The following C1S variants were observed in gnomAD, a reference collection of about 807,000 sequenced individuals.
The protein encoded by C1S is complement C1s.
C1S carries 31 observed loss-of-function variants against 54.0 expected under a neutral mutation model. The ratio of observed to expected loss-of-function variants is 0.57; its 90% CI spans 0.43 to 0.78. The LOEUF is 0.78. Ranked by LOEUF, C1S falls within the 30% of genes least tolerant of loss-of-function variation. The pLI is 0.00. For synonymous variants in C1S, 292 were observed against 303.6 expected, an observed-to-expected ratio of 0.96 and a Z score of 0.40; for missense variants, 727 against 851.8, an observed-to-expected ratio of 0.85 and a Z score of 1.82.
chr12:7,067,486 G>A (rs1937700556), intron 9 of C1S, 157 bp from the exon 10 acceptor site: 1 of 828,016 alleles, frequency 1.2e-6, no homozygotes, highest in Admixed American at 1.7e-5. Context: ...GATGCCAGTT[G>A]GGGAGGATGG....
intron 2 of C1S, 112 bp downstream of exon 2, chr12:7,062,029 G>A: frequency 2.8e-6 from 3 of 1,064,480 alleles, no homozygotes; most frequent in East Asian, 4.8e-5. Context: ...CAGCACTTTG[G>A]GAGGCTGAGG....
intron 2 of C1S, 200 bp from the exon 3 acceptor site, chr12:7,062,270 CAAAAA>C (rs373096669): frequency 1.0e-4 from 45 of 446,194 alleles, no homozygotes; most frequent in Admixed American, 1.5e-4. Context: ...GAACCTGTCT[CAAAAA>C]AAAAAAAAAA....
At position 7,062,586 on chromosome 12, in the gene C1S, T is replaced by G. The variant is rs782342816; in HGVS notation, c.117T>G (p.Ser39=). The G allele has an allele frequency of 6.2e-7, 1 of 1,614,110 alleles. No homozygotes were observed. Among genetic ancestry groups the G allele is most frequent in the Non-Finnish European group, 8.5e-7 (1 of 1,179,952 alleles). The part of the protein sequence containing the change: ...PQAYPSEVEK[S]WDIEVPEGYG... ...CATATCCCAGTGAGGTAGAGAAATCTTGGGACATAGAAGTTCCTGAAGGGT... is the reference window on the plus strand; with the variant it reads ...CATATCCCAGTGAGGTAGAGAAATCGTGGGACATAGAAGTTCCTGAAGGGT... Residue 39 remains serine, a synonymous_variant, in exon 3 of 12, where the codon TCT becomes TCG. Transcript: ENST00000360817.
chr12:7,069,128 TCA>T (rs1376297416), intron 11 of C1S, among the ~76,000 whole-genome samples: 1 of 152,302 alleles, frequency 6.6e-6, no homozygotes, highest in African/African-American at 2.4e-5. Context: ...GGGTGCAAGT[TCA>T]CAGAGTTAGC....
chr12:7,065,200 C>T lies in C1S; in HGVS notation c.618C>T (p.Ile206=). Residue 206 remains isoleucine (I), a synonymous_variant, in exon 6 of 12, where the codon ATC becomes ATT. Coordinates refer to ENST00000360817, the MANE Select transcript of C1S (RefSeq NM_001734.5). ...AGAACTCAAGGTGTGAATACCAGAT[C>T]CGGTTGGAGAAAGGGTTCCAAGTGG... is the stretch of plus-strand genomic sequence containing the variant. ...YPENSRCEYQ[I]RLEKGFQVVV... is the part of the protein sequence containing the mutation. 2 of 1,613,780 alleles carry T rather than the reference C, an allele frequency of 1.2e-6. No homozygotes were observed. The highest frequency in any genetic ancestry group is 2.2e-5 in the South Asian group (2 of 91,066).
Position 7,062,131 on chromosome 12 carries a change from C to A in C1S, c.5+214C>A, listed in dbSNP as rs782710987. The A allele has an allele frequency of 6.8e-4, 400 of 591,462 alleles. 1 individual carries two copies. Among genetic ancestry groups the A allele is most frequent in the South Asian group, 9.7e-4 (49 of 50,424 alleles). The allele number at this position is 591,462 out of a possible 1,614,324, so 36.6% of individuals were successfully genotyped here. ...TTAAAAAAAAAAAAAATTAGCCCAG[C>A]GTCATGCGTGTCACCTGTGGTCCCT... On this transcript the variant is annotated intron_variant, in intron 2 of 11. Transcript: ENST00000360817.
intron 9 of C1S, chr12:7,067,354 G>GCA (rs1937694921): frequency 1.6e-6 from 1 of 622,976 alleles, no homozygotes; most frequent in Admixed American, 2.6e-5. Flanking sequence ...CGAGTTAGTA[G>GCA]CCCCACGTGG....
intron 5 of C1S, 40 bp from the exon 6 acceptor site, chr12:7,065,060 A>AC: frequency 6.6e-7 from 1 of 1,508,902 alleles, no homozygotes; most frequent in Non-Finnish European, 9.2e-7. Flanking sequence ...CCTTTGCTTG[A>AC]CCCTGTATTT....
In C1S at chr12:7,062,494, C is replaced by T. The variant is rs1666197685; in HGVS notation, c.25C>T (p.Leu9Phe). ...TTTCAGGTGCATTGTCCTGTTTTCA[C>T]TTTTGGCATGGGTTTATGCTGAGCC... is the stretch of plus-strand genomic sequence containing the variant. MWCIVLFS[L>F]LAWVYAEPTM... Residue 9 changes from leucine (L) to phenylalanine (F), a missense_variant, in exon 3 of 12, where the codon CTT becomes TTT. Physicochemically the swap from Leu to Phe is conservative, Grantham distance 22. Around this residue, in one of 3 missense-constraint regions of C1S, gnomAD observed 357 missense variants for 365.4 expected, o/e 0.98. Coordinates refer to ENST00000360817, the MANE Select transcript of C1S (RefSeq NM_001734.5). The T allele has an allele frequency of 6.2e-7, 1 of 1,613,246 alleles. No homozygotes were observed. The highest frequency in any genetic ancestry group is 8.5e-7 in the Non-Finnish European group (1 of 1,179,988).
intron 5 of C1S, among the ~76,000 whole-genome samples, chr12:7,064,691 A>G (rs1304032647): frequency 1.3e-5 from 2 of 151,538 alleles, no homozygotes; most frequent in Non-Finnish European, 2.9e-5. Context: ...CCCTGTTTCA[A>G]CCTCCTCCCA....
intron 2 of C1S, 179 bp from the exon 3 acceptor site, chr12:7,062,296 T>G (rs1329437122): frequency 3.3e-6 from 2 of 611,162 alleles, no homozygotes; most frequent in Non-Finnish European, 2.9e-6. Flanking sequence ...AGGGCTCTTG[T>G]CTGAAGCCTG....
chr12:7,069,715 T>C (rs377351722), intron 11 of C1S, 140 bp from the exon 12 acceptor site: 64 of 801,568 alleles, frequency 8.0e-5, no homozygotes, highest in African/African-American at 2.0e-4. Flanking sequence ...GGTATTGAGA[T>C]TGTTGACCAA....
At chr12:7,067,008 G>C in intron 8 of C1S, 31 bp from the exon 9 acceptor site, 2 of 1,535,978 alleles carry the variant, frequency 1.3e-6, no homozygotes, top group Non-Finnish European at 1.8e-6. Flanking sequence ...TCTCTCTTCA[G>C]AAATAAGTGG....
Position 7,070,980 on chromosome 12 carries a change from G to C in C1S, c.*329G>C, listed in dbSNP as rs1172385408. On this transcript the variant is annotated 3_prime_UTR_variant, in exon 12 of 12. Transcript: ENST00000360817. The surrounding 1 kb of genome is among the most constrained non-coding windows in gnomAD (Gnocchi z 4.9). ...TACCTGTTCAAAATTCCATTTACTT[G>C]ATCATTCTCAGTATCCACTGTCTAT... is the stretch of plus-strand genomic sequence containing the variant. 2 of 331,686 alleles carry C rather than the reference G, an allele frequency of 6.0e-6. No homozygotes were observed. The highest frequency in any genetic ancestry group is 3.1e-5 in the South Asian group (1 of 31,884). 20.5% of individuals were successfully genotyped at this position (331,686 alleles called of 1,614,324 possible).
At chr12:7,069,789 T>C in intron 11 of C1S, 66 bp from the exon 12 acceptor site, 1 of 1,321,670 alleles carries the variant, frequency 7.6e-7, no homozygotes, top group Non-Finnish European at 1.1e-6. Context: ...TGTGAGTGGT[T>C]GGAGGATTTG....
chr12:7,067,306 G>A (rs1019775640), intron 9 of C1S, 189 bp downstream of exon 9: 18 of 652,216 alleles, frequency 2.8e-5, no homozygotes, highest in Non-Finnish European at 3.8e-5. Context: ...CAACTAGATC[G>A]GCATGTTTCT....
Position 7,069,710 on chromosome 12 carries a change from T to G in C1S, c.1271-145T>G, listed in dbSNP as rs902694282. On this transcript the variant is annotated intron_variant, in intron 11 of 11. Coordinates refer to ENST00000360817, the MANE Select transcript of C1S (RefSeq NM_001734.5). ...GGTAAGGCCAGAGTGGGTCAGGTATTGAGATTGTTGACCAAATAGGGTTGA... is the reference window on the plus strand; with the variant it reads ...GGTAAGGCCAGAGTGGGTCAGGTATGGAGATTGTTGACCAAATAGGGTTGA... 9 of 776,496 alleles carry G rather than the reference T, an allele frequency of 1.2e-5. No individual in the cohort carries two copies. The African/African-American group carries it at 1.4e-4, about 12-fold the overall frequency. The allele number at this position is 776,496 out of a possible 1,614,324, so 48.1% of individuals were successfully genotyped here. A position where few individuals can be genotyped will look rare whatever the true frequency, so the allele number is the denominator to read the frequency against.
intron 7 of C1S, chr12:7,066,209 CAGAT>C: frequency 1.6e-6 from 1 of 609,302 alleles, no homozygotes; most frequent in Non-Finnish European, 2.9e-6. Flanking sequence ...ATTTAAAAAA[CAGAT>C]AGATTGTTGT....
rs1937838798 is a variant in C1S, at chr12:7,070,852, T to A, written c.*201T>A. 1 of 611,620 alleles carries A rather than the reference T, an allele frequency of 1.6e-6. No individual in the cohort carries two copies. Among genetic ancestry groups the A allele is most frequent in the Non-Finnish European group, 2.9e-6 (1 of 341,956 alleles). 37.9% of individuals were successfully genotyped at this position (611,620 alleles called of 1,614,324 possible). On this transcript the variant is annotated 3_prime_UTR_variant, in exon 12 of 12. Coordinates refer to ENST00000360817, the MANE Select transcript of C1S (RefSeq NM_001734.5). This position sits in a 1 kb window ranked among gnomAD's most constrained non-coding sequence, Gnocchi z 4.9. ...GGTCATACATTTGTGGTCTGACTCC[T>A]TGGGGTCCTTTCCCCGGAGTACCTA...
Sources: gnomAD v4.1 joint callset for allele counts (sites outside exome capture counted in the v4.1 genomes callset) on GRCh38, gnomAD v4.1.1 for gene constraint, gnomAD v4.1.1 regional missense constraint, Gnocchi (gnomAD v3.1) non-coding constraint, MANE v1.5 for transcripts, NCBI Gene and HGNC (gene_info 2026-07-23, HGNC 2026-07-21) for gene names.